Variants in NBAS observed in about 807,000 individuals in gnomAD.
The protein encoded by NBAS is NBAS subunit of NRZ tethering complex, also known as NAG/BC035112 fusion.
In NBAS, 219 loss-of-function variants were observed where a neutral mutation model predicts 302.5. The observed-to-expected ratio is 0.72, with a 90% CI of 0.65 to 0.81. The LOEUF is 0.81. Ranked by LOEUF, NBAS falls within the 30% of genes least tolerant of loss-of-function variation. The pLI is 0.00. For missense variants in NBAS, 2,932 were observed against 2,841.6 expected (o/e 1.03, Z -0.72); for synonymous variants, 1,118 against 1,021.6 (o/e 1.09, Z -1.80).
intron 16 of NBAS, among the ~76,000 whole-genome samples, chr2:15,472,339 T>G (rs895075483): frequency 2.0e-5 from 3 of 152,158 alleles, no homozygotes; most frequent in Non-Finnish European, 2.9e-5. Context: ...AACCTCCCAC[T>G]GAGTTTCAGT....
intron 46 of NBAS, among the ~76,000 whole-genome samples, chr2:15,234,022 C>T (rs892028320): frequency 4.6e-5 from 7 of 152,192 alleles, no homozygotes; most frequent in African/African-American, 1.7e-4. Flanking sequence ...ACCCACATAT[C>T]GACGCAAAGC....
At chr2:15,129,088 G>A in the NBAS span, among the ~76,000 whole-genome samples, 1 of 152,230 alleles carries the variant, frequency 6.6e-6, no homozygotes. Flanking sequence ...CAGCTCTCCG[G>A]CTGCCACGGG....
chr2:15,144,030 TATTATCCTATATATAAAA>T, the NBAS span, among the ~76,000 whole-genome samples: 2 of 127,746 alleles, frequency 1.6e-5, no homozygotes, highest in Non-Finnish European at 3.1e-5. Context: ...TATATATATA[TATTATCCTATATATAAAA>T]ATATATATAT....
chr2:15,283,195 A>C (rs1195267287), intron 42 of NBAS, among the ~76,000 whole-genome samples: 1 of 152,228 alleles, frequency 6.6e-6, no homozygotes, highest in Admixed American at 6.5e-5. Flanking sequence ...CTATTATATC[A>C]GCCAGAAGCA....
chr2:15,553,169 G>A (rs1664463513), intron 5 of NBAS, among the ~76,000 whole-genome samples: 1 of 152,120 alleles, frequency 6.6e-6, no homozygotes, highest in African/African-American at 2.4e-5. Flanking sequence ...TGGAGGATAG[G>A]CCTCATTTAC....
intron 45 of NBAS, among the ~76,000 whole-genome samples, chr2:15,238,113 T>A (rs1030997133): frequency 6.6e-6 from 1 of 152,072 alleles, no homozygotes; most frequent in Non-Finnish European, 1.5e-5. Context: ...CAGCTAGAAG[T>A]AAAGTCTGAG....
chr2:14,997,245 T>G, the NBAS span, among the ~76,000 whole-genome samples: 2 of 152,112 alleles, frequency 1.3e-5, no homozygotes, highest in Admixed American at 6.5e-5. Context: ...GATGAAATAA[T>G]CTGTACAACA....
chr2:15,453,726 A>G (rs1288383757), intron 21 of NBAS, among the ~76,000 whole-genome samples: 1 of 152,162 alleles, frequency 6.6e-6, no homozygotes, highest in African/African-American at 2.4e-5. Flanking sequence ...AACTAAACTT[A>G]GATACTTACA....
intron 44 of NBAS, among the ~76,000 whole-genome samples, chr2:15,257,619 C>G (rs569833550): frequency 6.6e-6 from 1 of 152,242 alleles, no homozygotes; most frequent in South Asian, 2.1e-4. Context: ...TCTCAAACTC[C>G]TGACCTCAGG....
chr2:15,234,500 A>T, intron 46 of NBAS, 45 bp downstream of exon 46: 4 of 1,591,444 alleles, frequency 2.5e-6, no homozygotes, highest in Non-Finnish European at 3.4e-6. Flanking sequence ...CATCACTGAC[A>T]AAGTGTCACC....
intron 30 of NBAS, among the ~76,000 whole-genome samples, chr2:15,378,280 G>A (rs1045367557): frequency 4.6e-5 from 7 of 152,134 alleles, no homozygotes; most frequent in Non-Finnish European, 7.4e-5. Context: ...GGTCTAGAAA[G>A]GGGATCTCAG....
rs186318435 is a variant in NBAS at position 15,378,616 on chromosome 2, G to A, written c.3590+986C>T. Among the ~76,000 whole-genome samples, 7 of 152,192 alleles carry A rather than the reference G, an allele frequency of 4.6e-5. No individual in the cohort carries two copies. The East Asian group carries it at 1.3e-3, about 29-fold the overall frequency. On this transcript the variant is annotated intron_variant, in intron 30 of 51. Transcript: ENST00000281513. ...AACACTTCCATTAGCCTACAGTTTG[G>A]CTAGGCTTTTAATCATCTAACACAA...
chr2:15,505,161 C>T (rs1302040686), intron 10 of NBAS, among the ~76,000 whole-genome samples: 3 of 152,176 alleles, frequency 2.0e-5, no homozygotes, highest in African/African-American at 4.8e-5. Context: ...CCTGCTAAAA[C>T]CTATGTCCCC....
At chr2:15,351,401 G>C (rs913834803) in intron 35 of NBAS, among the ~76,000 whole-genome samples, 1 of 152,164 alleles carries the variant, frequency 6.6e-6, no homozygotes, top group Non-Finnish European at 1.5e-5. Context: ...GGAAGGCCAG[G>C]CATGGTGGCT....
In NBAS at chr2:15,403,146, G is replaced by A. The variant is rs546612380; in HGVS notation, c.2938-845C>T. 1.6e-3 allele frequency among the ~76,000 whole-genome samples: 239 copies of A among 152,240 alleles called. 2 individuals are homozygous for A. The highest frequency in any genetic ancestry group is 0.013 in the South Asian group (62 of 4,826). On this transcript the variant is annotated intron_variant, in intron 25 of 51. Transcript: ENST00000281513. Reference sequence around the variant, plus strand: ...AAAATAAATCTAAGATAATTTCCATGATAATAGTCTACTGGTTTTCAATGT... The same window carrying A: ...AAAATAAATCTAAGATAATTTCCATAATAATAGTCTACTGGTTTTCAATGT...
At chr2:14,992,630 C>G in the NBAS span, among the ~76,000 whole-genome samples, 5 of 152,266 alleles carry the variant, frequency 3.3e-5, 1 homozygote, top group Non-Finnish European at 7.4e-5. Flanking sequence ...GAGTCAGCCC[C>G]GAATCTGTGT....
At chr2:15,274,019 G>A (rs1427440443) in intron 44 of NBAS, among the ~76,000 whole-genome samples, 1 of 151,918 alleles carries the variant, frequency 6.6e-6, no homozygotes, top group African/African-American at 2.4e-5. Context: ...GGCAGAGCTT[G>A]CAGTGAGCCA....
chr2:15,127,906 A>C, the NBAS span, among the ~76,000 whole-genome samples: 11 of 152,144 alleles, frequency 7.2e-5, no homozygotes, highest in African/African-American at 2.2e-4. Flanking sequence ...ATGTAGGGCG[A>C]CTCGATGAGG....
chr2:15,315,599 C>T (rs1487576438), intron 38 of NBAS, among the ~76,000 whole-genome samples: 1 of 152,192 alleles, frequency 6.6e-6, no homozygotes, highest in Non-Finnish European at 1.5e-5. Context: ...CTGTTTCTGG[C>T]CACACTAAAC....
Sources: gnomAD v4.1 joint callset for allele counts (sites outside exome capture counted in the v4.1 genomes callset) on GRCh38, gnomAD v4.1.1 for gene constraint, MANE v1.5 for transcripts, NCBI Gene and HGNC (gene_info 2026-07-23, HGNC 2026-07-21) for gene names.